ZNF148: variants seen among roughly 807,000 people sequenced by gnomAD.
ZNF148 encodes Beta-Enolase Repressor Factor-1.
Under a neutral mutation model 67.7 loss-of-function variants are expected in ZNF148, and 7 were observed. The observed-to-expected ratio is 0.10, with a 90% confidence interval of 0.06 to 0.19. The LOEUF (loss-of-function observed/expected upper bound fraction) is 0.19, where lower values mean the gene tolerates loss of function less well. ZNF148 is among the 10% of genes least tolerant of loss of function. The pLI is 1.00. For synonymous variants in ZNF148, 333 were observed against 330.7 expected, an observed-to-expected ratio of 1.01 and a Z score of -0.08; for missense variants, 583 against 947.1, an observed-to-expected ratio of 0.62 and a Z score of 5.05.
intron 7 of ZNF148, among the ~76,000 whole-genome samples, chr3:125,246,143 C>A (rs1384133565): frequency 6.6e-6 from 1 of 152,080 alleles, no homozygotes; most frequent in Non-Finnish European, 1.5e-5. Flanking sequence ...AAAATGGTAT[C>A]CACTGTTGTA....
rs76267158 is a variant in ZNF148 at position 125,343,016 on chromosome 3, C to T, written c.-233-11778G>A. On this transcript the variant is annotated intron_variant, in intron 1 of 8. Transcript: ENST00000360647. ...AATCCTAAATAAAGGTTCTAGTAAT[C>T]TGCAAGGAGACAGGAAACAAACATT... Among the ~76,000 whole-genome samples, 821 of 152,294 alleles carry T rather than the reference C, an allele frequency of 5.4e-3. 6 individuals carry two copies. Among genetic ancestry groups the T allele is most frequent in the African/African-American group, 0.019 (775 of 41,570 alleles).
At chr3:125,273,651 G>A (rs1232761646) in intron 7 of ZNF148, among the ~76,000 whole-genome samples, 7 of 151,948 alleles carry the variant, frequency 4.6e-5, no homozygotes, top group South Asian at 4.1e-4. Context: ...GTGCCACCAC[G>A]CCTGGCTAAT....
chr3:125,348,415 A>C (rs929854507), intron 1 of ZNF148, among the ~76,000 whole-genome samples: 1 of 147,532 alleles, frequency 6.8e-6, no homozygotes, highest in Admixed American at 6.9e-5. Flanking sequence ...CGAGACGCCA[A>C]GGTTGCAGTG....
In ZNF148 at chr3:125,286,787, C is replaced by G. The variant is rs568400442; in HGVS notation, c.459+1316G>C. ...TTCTATATTATACCTCCATATCTATCTGCACAAATTTGAAAAAAGAAAGGG... is the reference window on the plus strand; with the variant it reads ...TTCTATATTATACCTCCATATCTATGTGCACAAATTTGAAAAAAGAAAGGG... On this transcript the variant is annotated intron_variant, in intron 5 of 8. Coordinates refer to ENST00000360647, the MANE Select transcript of ZNF148 (RefSeq NM_021964.3). 1.1e-3 allele frequency among the ~76,000 whole-genome samples: 164 copies of G among 152,230 alleles called. 1 individual carries two copies. Among genetic ancestry groups the G allele is most frequent in the Non-Finnish European group, 2.0e-3 (137 of 68,012 alleles).
chr3:125,255,325 C>A (rs971535761), intron 7 of ZNF148, among the ~76,000 whole-genome samples: 3 of 134,756 alleles, frequency 2.2e-5, no homozygotes, highest in Non-Finnish European at 1.5e-5. Context: ...TGGCTCACTG[C>A]AACCTCTGCC....
At chr3:125,273,657 C>G (rs1048629812) in intron 7 of ZNF148, among the ~76,000 whole-genome samples, 2 of 152,040 alleles carry the variant, frequency 1.3e-5, no homozygotes, top group Non-Finnish European at 2.9e-5. Flanking sequence ...CCACGCCTGG[C>G]TAATTTTTGT....
In ZNF148 at chr3:125,229,671, A is replaced by G. The variant is rs1221427156; in HGVS notation, c.*2670T>C. ...TGTACCAGCATGTTTTTATAGAACA[A>G]TGTGCTCACTTTGAGAAATGAGAAA... On this transcript the variant is annotated 3_prime_UTR_variant, in exon 9 of 9. Transcript: ENST00000360647. 2.0e-5 allele frequency: 3 copies of G among 152,190 alleles called. No individual in the cohort carries two copies. Among genetic ancestry groups the G allele is most frequent in the Non-Finnish European group, 4.4e-5 (3 of 68,030 alleles). The allele number at this position is 152,190 out of a possible 1,614,324, so 9.4% of individuals were successfully genotyped here.
intron 2 of ZNF148, among the ~76,000 whole-genome samples, chr3:125,327,436 T>C (rs1419985251): frequency 6.6e-6 from 1 of 152,188 alleles, no homozygotes; most frequent in African/African-American, 2.4e-5. Flanking sequence ...AATACTAGAA[T>C]ACATACAGTT....
chr3:125,352,375 A>T (rs913554453), intron 1 of ZNF148, among the ~76,000 whole-genome samples: 4 of 152,212 alleles, frequency 2.6e-5, no homozygotes, highest in African/African-American at 9.6e-5. Flanking sequence ...AGTAGTTGCC[A>T]GGGACGGGGA....
At chr3:125,327,442 C>T (rs938941783) in intron 2 of ZNF148, among the ~76,000 whole-genome samples, 2 of 152,166 alleles carry the variant, frequency 1.3e-5, no homozygotes, top group Non-Finnish European at 2.9e-5. Flanking sequence ...AGAATACATA[C>T]AGTTTTAAAA....
intron 1 of ZNF148, among the ~76,000 whole-genome samples, chr3:125,333,147 TAAC>T (rs1941357015): frequency 6.6e-6 from 1 of 152,220 alleles, no homozygotes; most frequent in Non-Finnish European, 1.5e-5. Context: ...TTTGAAATCT[TAAC>T]ATTCCGTTGA....
At chr3:125,354,873 A>T (rs1175761248) in intron 1 of ZNF148, among the ~76,000 whole-genome samples, 1 of 152,248 alleles carries the variant, frequency 6.6e-6, no homozygotes, top group African/African-American at 2.4e-5. Context: ...AAAAGTAACT[A>T]ATTCACTGAA....
intron 1 of ZNF148, among the ~76,000 whole-genome samples, chr3:125,335,916 A>G (rs1044250362): frequency 6.6e-6 from 1 of 152,302 alleles, no homozygotes; most frequent in African/African-American, 2.4e-5. Context: ...AGTTTTATGA[A>G]TTAACGTAGC....
At chr3:125,287,983 C>T (rs1053582519) in intron 5 of ZNF148, 120 bp downstream of exon 5, 2 of 1,419,606 alleles carry the variant, frequency 1.4e-6, no homozygotes, top group Admixed American at 4.2e-5. Context: ...CGCACCCCCT[C>T]CTACTAAACC....
chr3:125,292,916 C>T (rs1015392731), intron 4 of ZNF148: 6 of 152,140 alleles, frequency 3.9e-5, no homozygotes, highest in Non-Finnish European at 8.8e-5. Context: ...TAATATATGT[C>T]ACCACAGATA....
At chr3:125,321,145 T>TCTGTATAA (rs1300293669) in intron 3 of ZNF148, among the ~76,000 whole-genome samples, 4 of 152,294 alleles carry the variant, frequency 2.6e-5, no homozygotes, top group African/African-American at 9.6e-5. Flanking sequence ...CAGATATACC[T>TCTGTATAA]CTGTATAACT....
At position 125,313,377 on chromosome 3, in the gene ZNF148, T is replaced by A; in HGVS notation, c.264A>T (p.Lys88Asn). 1 of 1,614,206 alleles carries A rather than the reference T, an allele frequency of 6.2e-7. No individual in the cohort carries two copies. Among genetic ancestry groups the A allele is most frequent in the African/African-American group, 1.3e-5 (1 of 75,064 alleles). The change falls in exon 4 of 9, where the codon AAA becomes AAT. Residue 88 changes from lysine to asparagine, a missense_variant. Physicochemically the swap from Lys to Asn is moderately conservative, Grantham distance 94. Coordinates refer to ENST00000360647, the MANE Select transcript of ZNF148 (RefSeq NM_021964.3). ...GTGTTTCCATCTGCTCTTCATCATTTTTCACTGTCTCCTCATGGACCATGA... is the reference window on the plus strand; with the variant it reads ...GTGTTTCCATCTGCTCTTCATCATTATTCACTGTCTCCTCATGGACCATGA... ...DELMVHEETV[K>N]NDEEQMETHE...
At chr3:125,241,100 C>T (rs1936333002) in intron 7 of ZNF148, among the ~76,000 whole-genome samples, 2 of 151,440 alleles carry the variant, frequency 1.3e-5, no homozygotes, top group Non-Finnish European at 2.9e-5. Context: ...TCTTTTAAAA[C>T]TAGCCATTCT....
chr3:125,315,916 T>A (rs1940468724), intron 3 of ZNF148, among the ~76,000 whole-genome samples: 1 of 152,232 alleles, frequency 6.6e-6, no homozygotes, highest in South Asian at 2.1e-4. Flanking sequence ...TGTTATTGAC[T>A]ATAGTCATCC....
Sources: gnomAD v4.1 joint callset for allele counts (sites outside exome capture counted in the v4.1 genomes callset) on GRCh38, gnomAD v4.1.1 for gene constraint, MANE v1.5 for transcripts, NCBI Gene and HGNC (gene_info 2026-07-23, HGNC 2026-07-21) for gene names.